Variants in DEFB109B observed in about 807,000 individuals in gnomAD.
The protein encoded by DEFB109B is defensin beta 109B.
chr8:7,313,743 A>G, intron 1 of DEFB109B, among the ~76,000 whole-genome samples: 1 of 140,070 alleles, frequency 7.1e-6, no homozygotes. Context: ...GGAAAATTAT[A>G]AATACAAAAT....
intron 1 of DEFB109B, among the ~76,000 whole-genome samples, chr8:7,315,517 GA>G (rs200662096): frequency 0.025 from 3,182 of 126,932 alleles, 575 homozygotes; most frequent in African/African-American, 0.11. Flanking sequence ...AAAAAAAGAA[GA>G]AGAAGAATAA....
chr8:7,315,767 G>T (rs1802880405), intron 1 of DEFB109B, among the ~76,000 whole-genome samples: 1 of 143,698 alleles, frequency 7.0e-6, no homozygotes, highest in Admixed American at 6.7e-5. Flanking sequence ...TTTCAGTAGG[G>T]CTTCATTACT....
chr8:7,315,590 G>A (rs1457352494), intron 1 of DEFB109B, among the ~76,000 whole-genome samples: 3 of 133,058 alleles, frequency 2.3e-5, no homozygotes, highest in Non-Finnish European at 4.5e-5. Flanking sequence ...ATGAGAGTGA[G>A]TGTGTTTGGG....
At chr8:7,315,290 G>A (rs1475323171) in intron 1 of DEFB109B, among the ~76,000 whole-genome samples, 4 of 129,362 alleles carry the variant, frequency 3.1e-5, no homozygotes, top group Admixed American at 7.1e-5. Context: ...GGCCGAGGCC[G>A]GCAGATCACG....
rs1247036600 is a variant in DEFB109B at position 7,316,689 on chromosome 8, C to T, written n.59-3057C>T. On this transcript the variant is annotated intron_variant and non_coding_transcript_variant, in intron 1 of 1. Transcript: ENST00000382656. The stretch of plus-strand genomic sequence containing the variant: ...TTGCCGAGGCTGGAATGCAGTGTTG[C>T]AATCTTGGCTCACTACAACCTCCAC... Among the ~76,000 whole-genome samples the T allele has an allele frequency of 4.8e-5, 7 of 144,750 alleles. 2 individuals are homozygous for T. Among genetic ancestry groups the T allele is most frequent in the African/African-American group, 2.0e-4 (7 of 34,660 alleles). The allele number at this position is 144,750 out of a possible 152,430, so 95.0% of individuals were successfully genotyped here. A position where few individuals can be genotyped will look rare whatever the true frequency, so the allele number is the denominator to read the frequency against.
chr8:7,319,626 C>A (rs1263024827), intron 1 of DEFB109B, 120 bp from the exon 2 acceptor site: 5 of 143,120 alleles, frequency 3.5e-5, no homozygotes, highest in Admixed American at 3.4e-4. Context: ...TGAGCAGCAA[C>A]CATGTCAAGA....
At chr8:7,309,664 G>C (rs1490904080), upstream of DEFB109B, among the ~76,000 whole-genome samples, 1 of 147,848 alleles carries the variant, frequency 6.8e-6, no homozygotes, top group Non-Finnish European at 1.5e-5. Flanking sequence ...CATGGTTTTG[G>C]TGATTCTGTG....
intron 1 of DEFB109B, among the ~76,000 whole-genome samples, chr8:7,315,383 C>G (rs1473970433): frequency 7.3e-6 from 1 of 137,368 alleles, no homozygotes; most frequent in Non-Finnish European, 1.5e-5. Context: ...CCTTTAGTCC[C>G]AGCTACTCGG....
chr8:7,310,527 G>A (rs1220001234), upstream of DEFB109B, among the ~76,000 whole-genome samples: 1 of 137,520 alleles, frequency 7.3e-6, no homozygotes, highest in Non-Finnish European at 1.5e-5. Context: ...TTAGTACTAA[G>A]AGTTTTGAGC....
At chr8:7,315,357 G>T (rs556691666) in intron 1 of DEFB109B, among the ~76,000 whole-genome samples, 1 of 138,230 alleles carries the variant, frequency 7.2e-6, no homozygotes, top group South Asian at 2.1e-4. Context: ...AAATTAGCCG[G>T]GTGCGGTGGT....
intron 1 of DEFB109B, chr8:7,319,249 AAGAGAGAGAG>A (rs1164775535): frequency 7.8e-6 from 1 of 128,882 alleles, no homozygotes; most frequent in African/African-American, 3.8e-5. Flanking sequence ...AAAAAAAAAA[AAGAGAGAGAG>A]AGAGAGAGAG....
chr8:7,316,744 A>T (rs1463077068), intron 1 of DEFB109B, among the ~76,000 whole-genome samples: 2 of 143,106 alleles, frequency 1.4e-5, no homozygotes, highest in Non-Finnish European at 2.9e-5. Context: ...CTCCTGCCTC[A>T]GCCTCCTGAG....
At chr8:7,313,748 C>G (rs1228370597) in intron 1 of DEFB109B, among the ~76,000 whole-genome samples, 1 of 136,930 alleles carries the variant, frequency 7.3e-6, no homozygotes, top group East Asian at 1.9e-4. Flanking sequence ...ATTATAAATA[C>G]AAAATATAAA....
upstream of DEFB109B, among the ~76,000 whole-genome samples, chr8:7,310,699 G>C (rs1044117294): frequency 1.4e-5 from 2 of 147,480 alleles, no homozygotes; most frequent in Non-Finnish European, 1.5e-5. Flanking sequence ...CTTAGGGATG[G>C]GGTTAAGCTA....
chr8:7,309,697 A>G (rs1411499498), upstream of DEFB109B, among the ~76,000 whole-genome samples: 4 of 146,036 alleles, frequency 2.7e-5, no homozygotes, highest in African/African-American at 1.1e-4. Context: ...CTTTTACCCA[A>G]GAAGATGATC....
At chr8:7,319,760 G>T (rs1215395379) in exon 2 of DEFB109B, 4 of 145,820 alleles carry the variant, frequency 2.7e-5, no homozygotes, top group Non-Finnish European at 5.9e-5. Flanking sequence ...AGGTGGTTTG[G>T]GTCCTGCGGA....
chr8:7,316,684 T>A (rs1260149940), intron 1 of DEFB109B, among the ~76,000 whole-genome samples: 1 of 144,718 alleles, frequency 6.9e-6, no homozygotes, highest in Non-Finnish European at 1.5e-5. Context: ...TGGAATGCAG[T>A]GTTGCAATCT....
In DEFB109B at chr8:7,313,625, G is replaced by A. The variant is rs183138442; in HGVS notation, n.58+722G>A. On this transcript the variant is annotated intron_variant and non_coding_transcript_variant, in intron 1 of 1. Transcript: ENST00000382656. ...TATTACAGGTAACCACACAGAAATGGGTAACATAACTTTCAATACAAAAAT... is the reference window on the plus strand; with the variant it reads ...TATTACAGGTAACCACACAGAAATGAGTAACATAACTTTCAATACAAAAAT... Among the ~76,000 whole-genome samples the A allele has an allele frequency of 1.9e-3, 276 of 145,786 alleles. 43 individuals carry two copies. Among genetic ancestry groups the A allele is most frequent in the African/African-American group, 6.9e-3 (248 of 35,688 alleles).
chr8:7,319,249 A>AAAAG (rs1410387794), intron 1 of DEFB109B: 8 of 128,904 alleles, frequency 6.2e-5, no homozygotes, highest in Non-Finnish European at 1.1e-4. Context: ...AAAAAAAAAA[A>AAAAG]AGAGAGAGAG....
Sources: allele counts gnomAD v4.1 joint callset (sites outside exome capture counted in the v4.1 genomes callset), GRCh38; gene constraint gnomAD v4.1.1; transcripts MANE v1.5; gene names NCBI Gene and HGNC (gene_info 2026-07-23, HGNC 2026-07-21).